Variants in SHISA5 observed in about 807,000 individuals in gnomAD.
SHISA5 encodes the protein protein shisa-5.
A neutral mutation model predicts 27.5 loss-of-function variants in SHISA5; 21 were observed. The ratio of observed to expected loss-of-function variants is 0.76; its 90% CI spans 0.54 to 1.10. SHISA5 has a LOEUF of 1.10. SHISA5 is among the 50% of genes least tolerant of loss of function. The probability of loss-of-function intolerance (pLI) is 0.00; values close to 1 mark genes in which losing one functional copy is unlikely to be tolerated. For synonymous variants in SHISA5, 137 were observed against 142.2 expected (o/e 0.96, Z 0.26); for missense variants, 314 against 336.3 (o/e 0.93, Z 0.52).
intron 3 of SHISA5, among the ~76,000 whole-genome samples, chr3:48,472,344 G>A (rs2040661743): frequency 6.7e-6 from 1 of 149,500 alleles, no homozygotes; most frequent in Non-Finnish European, 1.5e-5. Context: ...AAAAAAAAAA[G>A]AATTAGCCGG....
At position 48,468,668 on chromosome 3, in the gene SHISA5, C is replaced by T; in HGVS notation, c.*439G>A. On this transcript the variant is annotated 3_prime_UTR_variant, in exon 6 of 6. Coordinates refer to ENST00000296444, the MANE Select transcript of SHISA5 (RefSeq NM_016479.6). Reference sequence around the variant, plus strand: ...TGGCCTCAAGCAGCAGCTGGCTACGCTGCCGAAACCAGGACACATCTGCAT... The same window carrying T: ...TGGCCTCAAGCAGCAGCTGGCTACGTTGCCGAAACCAGGACACATCTGCAT... The T allele has an allele frequency of 8.2e-7, 1 of 1,214,990 alleles. No homozygotes were observed. The highest frequency in any genetic ancestry group is 1.0e-6 in the Non-Finnish European group (1 of 954,880). The allele number at this position is 1,214,990 out of a possible 1,614,324, so 75.3% of individuals were successfully genotyped here.
chr3:48,470,015 G>A lies in SHISA5; in HGVS notation c.315-172C>T, dbSNP rs2040550974. 1 of 813,532 alleles carries A rather than the reference G, an allele frequency of 1.2e-6. No homozygotes were observed. The highest frequency in any genetic ancestry group is 1.7e-5 in the African/African-American group (1 of 57,864). The allele number at this position is 813,532 out of a possible 1,614,324, so 50.4% of individuals were successfully genotyped here. On this transcript the variant is annotated intron_variant, in intron 3 of 5. Transcript: ENST00000296444. This position sits in a 1 kb window ranked among gnomAD's most constrained non-coding sequence, Gnocchi z 4.3. Reference sequence around the variant, plus strand: ...AATCTGTTTCCTCTTGTGTAAACTGGGGTATATGTGAGTCCCTGTAACTGT... The same window carrying A: ...AATCTGTTTCCTCTTGTGTAAACTGAGGTATATGTGAGTCCCTGTAACTGT...
At chr3:48,488,196 A>AT (rs2041307145) in intron 2 of SHISA5, among the ~76,000 whole-genome samples, 1 of 147,054 alleles carries the variant, frequency 6.8e-6, no homozygotes, top group African/African-American at 2.5e-5. Flanking sequence ...CTTGAAATAT[A>AT]TGGGATACTT....
chr3:48,468,646 C>T lies in SHISA5; in HGVS notation c.*461G>A, dbSNP rs2040450193. On this transcript the variant is annotated 3_prime_UTR_variant, in exon 6 of 6. Transcript: ENST00000296444. ...CCCCAACTCCGGGGACGAGCCATGG[C>T]CTCAAGCAGCAGCTGGCTACGCTGC... 8.3e-7 allele frequency: 1 copy of T among 1,206,048 alleles called. No homozygotes were observed. The highest frequency in any genetic ancestry group is 1.6e-5 in the African/African-American group (1 of 63,138). 74.7% of individuals were successfully genotyped at this position (1,206,048 alleles called of 1,614,324 possible).
chr3:48,470,057 C>G lies in SHISA5; in HGVS notation c.315-214G>C. On this transcript the variant is annotated intron_variant, in intron 3 of 5. Transcript: ENST00000296444. This position sits in a 1 kb window ranked among gnomAD's most constrained non-coding sequence, Gnocchi z 4.3. ...TGTAACTGTCTCTCCCTGGGTCTCC[C>G]CCGCTTGTCCCACCCTCAGAGGCAT... 1 of 602,660 alleles carries G rather than the reference C, an allele frequency of 1.7e-6. No individual in the cohort carries two copies. The highest frequency in any genetic ancestry group is 3.1e-5 in the Admixed American group (1 of 32,148). The allele number at this position is 602,660 out of a possible 1,614,324, so 37.3% of individuals were successfully genotyped here. A position where few individuals can be genotyped will look rare whatever the true frequency, so the allele number is the denominator to read the frequency against.
In SHISA5 at chr3:48,467,972, A is replaced by G; in HGVS notation, c.*1135T>C. ...GACAGCTCTGGTGAAACAGTAATAG[A>G]GGGAGGAGGAACACGAGGTATTCAT... is the stretch of plus-strand genomic sequence containing the variant. On this transcript the variant is annotated 3_prime_UTR_variant, in exon 6 of 6. Coordinates refer to ENST00000296444, the MANE Select transcript of SHISA5 (RefSeq NM_016479.6). 1 of 271,884 alleles carries G rather than the reference A, an allele frequency of 3.7e-6. No homozygotes were observed. The highest frequency in any genetic ancestry group is 6.6e-6 in the Non-Finnish European group (1 of 152,362). 16.8% of individuals were successfully genotyped at this position (271,884 alleles called of 1,614,324 possible).
At chr3:48,476,831 G>C (rs778894660) in intron 3 of SHISA5, 2 of 270,570 alleles carry the variant, frequency 7.4e-6, no homozygotes. Context: ...TGCTCTTCTC[G>C]ATGCATGGGC....
At chr3:48,503,289 A>T in intron 1 of SHISA5, 1 of 719,354 alleles carries the variant, frequency 1.4e-6, no homozygotes, top group Non-Finnish European at 2.1e-6. Context: ...ACCCTCCTAC[A>T]GGCTCACTCC....
At position 48,469,695 on chromosome 3, in the gene SHISA5, G is replaced by A; in HGVS notation, c.430+33C>T. 6.2e-7 allele frequency: 1 copy of A among 1,612,676 alleles called. No individual in the cohort carries two copies. Among genetic ancestry groups the A allele is most frequent in the Non-Finnish European group, 8.5e-7 (1 of 1,179,302 alleles). ...TGGTCAGCTTCCCTTACCACCCCAG[G>A]GGGTCACAGTGGGGCAGGGTGGGCA... On this transcript the variant is annotated intron_variant, in intron 4 of 5. Coordinates refer to ENST00000296444, the MANE Select transcript of SHISA5 (RefSeq NM_016479.6). This position sits in a 1 kb window ranked among gnomAD's most constrained non-coding sequence, Gnocchi z 4.6.
chr3:48,499,031 AAGAAC>A (rs1178587450), intron 2 of SHISA5, among the ~76,000 whole-genome samples: 4 of 151,098 alleles, frequency 2.6e-5, no homozygotes, highest in African/African-American at 9.8e-5. Flanking sequence ...GTGGTGAGCC[AAGAAC>A]ACACCATTGC....
chr3:48,498,822 C>CT (rs886851368), intron 2 of SHISA5, among the ~76,000 whole-genome samples: 63 of 152,136 alleles, frequency 4.1e-4, no homozygotes, highest in African/African-American at 1.5e-3. Flanking sequence ...TGGCTCACGC[C>CT]TGTAATCCCA....
At chr3:48,503,886 G>T in intron 1 of SHISA5, 133 bp downstream of exon 1, 3 of 1,312,946 alleles carry the variant, frequency 2.3e-6, no homozygotes, top group Non-Finnish European at 2.9e-6. Context: ...GGGGTTCGCT[G>T]ACGGCCTCGG....
chr3:48,488,477 T>C (rs1351486847), intron 2 of SHISA5, among the ~76,000 whole-genome samples: 1 of 150,146 alleles, frequency 6.7e-6, no homozygotes, highest in African/African-American at 2.4e-5. Flanking sequence ...TCCGCCTACC[T>C]TGGCCTCCCA....
chr3:48,492,327 G>A (rs2041460184), intron 2 of SHISA5, among the ~76,000 whole-genome samples: 1 of 151,226 alleles, frequency 6.6e-6, no homozygotes, highest in South Asian at 2.1e-4. Flanking sequence ...AAAATTAGCC[G>A]GGCGCGGTGG....
At chr3:48,477,007 C>T (rs1409050420) in intron 3 of SHISA5, 1 of 433,098 alleles carries the variant, frequency 2.3e-6, no homozygotes, top group Non-Finnish European at 4.5e-6. Flanking sequence ...TCCCTGCTGC[C>T]ACAACCCCAG....
intron 2 of SHISA5, among the ~76,000 whole-genome samples, chr3:48,492,024 G>A (rs1483085287): frequency 6.6e-6 from 1 of 150,532 alleles, no homozygotes; most frequent in East Asian, 1.9e-4. Flanking sequence ...TGTGAACAAG[G>A]CTTTGCACTT....
chr3:48,491,840 C>T (rs1369440766), intron 2 of SHISA5, among the ~76,000 whole-genome samples: 1 of 151,808 alleles, frequency 6.6e-6, no homozygotes, highest in Admixed American at 6.6e-5. Context: ...GGGGTCTCAC[C>T]ATGTTGCCCT....
intron 2 of SHISA5, among the ~76,000 whole-genome samples, chr3:48,496,974 G>T (rs2041572458): frequency 6.7e-6 from 1 of 150,354 alleles, no homozygotes; most frequent in Non-Finnish European, 1.5e-5. Context: ...TCACACCTGT[G>T]ATCCCAGCAC....
intron 2 of SHISA5, among the ~76,000 whole-genome samples, chr3:48,487,921 A>C (rs1473157404): frequency 2.0e-5 from 3 of 152,188 alleles, no homozygotes; most frequent in Admixed American, 6.5e-5. Context: ...ACCAAAACAA[A>C]ACAAAACAAA....
Sources: gnomAD v4.1 joint callset for allele counts (sites outside exome capture counted in the v4.1 genomes callset) on GRCh38, gnomAD v4.1.1 for gene constraint, Gnocchi (gnomAD v3.1) non-coding constraint, MANE v1.5 for transcripts, NCBI Gene and HGNC (gene_info 2026-07-23, HGNC 2026-07-21) for gene names.